The following DISC1 variants were observed in gnomAD, a reference collection of about 807,000 sequenced individuals.
DISC1 encodes disrupted in schizophrenia 1 protein.
A neutral mutation model predicts 84.5 loss-of-function variants in DISC1; 57 were observed. That is an observed-to-expected ratio of 0.67 (90% CI 0.55 to 0.84). The LOEUF is 0.84. Among genes scored for constraint, DISC1 ranks in the 40% least tolerant of loss-of-function variants. The pLI is 0.00. For synonymous variants in DISC1, 411 were observed against 415.2 expected (o/e 0.99, Z 0.12); for missense variants, 1,000 against 1,057.8 (o/e 0.95, Z 0.76).
intron 7 of DISC1, among the ~76,000 whole-genome samples, chr1:231,795,876 G>A (rs932635065): frequency 4.6e-5 from 7 of 151,920 alleles, no homozygotes; most frequent in Non-Finnish European, 8.8e-5. Context: ...GAGACAGAGC[G>A]AGACTCTATC....
intron 10 of DISC1, among the ~76,000 whole-genome samples, chr1:232,001,753 C>T (rs1666721631): frequency 6.6e-6 from 1 of 151,780 alleles, no homozygotes; most frequent in Admixed American, 6.6e-5. Flanking sequence ...GATCAAGGAC[C>T]TAATTGTAAA....
chr1:232,024,708 T>A (rs775160157), intron 11 of DISC1, among the ~76,000 whole-genome samples: 5 of 152,076 alleles, frequency 3.3e-5, no homozygotes, highest in Non-Finnish European at 5.9e-5. Flanking sequence ...TTCTTCTGCC[T>A]CAGCCTCCTG....
intron 9 of DISC1, among the ~76,000 whole-genome samples, chr1:231,887,320 C>T (rs763384627): frequency 3.3e-5 from 5 of 152,182 alleles, no homozygotes; most frequent in Admixed American, 6.5e-5. Flanking sequence ...CCCATTTTCC[C>T]GTTTATCCTA....
intron 11 of DISC1, 114 bp from the exon 12 acceptor site, chr1:232,026,321 C>G: frequency 2.9e-6 from 2 of 689,338 alleles, no homozygotes. Flanking sequence ...CAGGCCCTAG[C>G]ACAATTCTGA....
intron 3 of DISC1, 93 bp from the exon 4 acceptor site, chr1:231,749,832 AG>A (rs2074409233): frequency 3.2e-6 from 5 of 1,546,086 alleles, no homozygotes; most frequent in Admixed American, 1.7e-5. Flanking sequence ...ATTAAGGCAA[AG>A]GTTCACTACA....
intron 3 of DISC1, among the ~76,000 whole-genome samples, chr1:231,718,600 C>A (rs1482558685): frequency 6.6e-6 from 1 of 152,120 alleles, no homozygotes; most frequent in Non-Finnish European, 1.5e-5. Flanking sequence ...CCACACCTGG[C>A]AAATTTTCTA....
chr1:231,660,190 A>G (rs1393909121), intron 1 of DISC1, among the ~76,000 whole-genome samples: 1 of 147,316 alleles, frequency 6.8e-6, no homozygotes, highest in Non-Finnish European at 1.5e-5. Context: ...TAGGATAGTT[A>G]GCTCTTGTTG....
chr1:231,906,164 A>G (rs1482697655), intron 9 of DISC1, among the ~76,000 whole-genome samples: 2 of 152,036 alleles, frequency 1.3e-5, no homozygotes, highest in East Asian at 3.9e-4. Context: ...CTGGGACCAC[A>G]GACATGCGTT....
intron 9 of DISC1, among the ~76,000 whole-genome samples, chr1:231,829,582 G>T (rs900079976): frequency 6.6e-6 from 1 of 152,112 alleles, no homozygotes; most frequent in Non-Finnish European, 1.5e-5. Context: ...GAACTCCTGG[G>T]CTCAAGTGAT....
intron 10 of DISC1, among the ~76,000 whole-genome samples, chr1:231,988,130 G>A (rs929200556): frequency 2.6e-4 from 39 of 152,140 alleles, no homozygotes; most frequent in African/African-American, 9.2e-4. Context: ...AGGTTACAGC[G>A]AGCCGAGATC....
intron 9 of DISC1, chr1:231,818,742 G>T: frequency 7.2e-7 from 1 of 1,390,986 alleles, no homozygotes. Flanking sequence ...TTCTTTTTCT[G>T]TTCCCTGTCT....
intron 12 of DISC1, among the ~76,000 whole-genome samples, chr1:232,030,159 A>G (rs200497088): frequency 2.8e-4 from 43 of 152,338 alleles, no homozygotes; most frequent in Admixed American, 7.8e-4. Flanking sequence ...CTTCACGGCC[A>G]GTCAAGTCGG....
chr1:231,650,389 C>A (rs950843171), intron 1 of DISC1, among the ~76,000 whole-genome samples: 1 of 152,156 alleles, frequency 6.6e-6, no homozygotes, highest in African/African-American at 2.4e-5. Flanking sequence ...TGAATATTGG[C>A]CCCCACTCTC....
chr1:231,786,982 T>A (rs1199723810), intron 6 of DISC1, among the ~76,000 whole-genome samples: 1 of 152,088 alleles, frequency 6.6e-6, no homozygotes, highest in Non-Finnish European at 1.5e-5. Flanking sequence ...CCCTCAAGGA[T>A]AAGGAGGATC....
At chr1:231,735,903 C>T (rs901844809) in intron 3 of DISC1, among the ~76,000 whole-genome samples, 5 of 152,166 alleles carry the variant, frequency 3.3e-5, no homozygotes, top group African/African-American at 1.2e-4. Flanking sequence ...ACCTCTGCCT[C>T]CTGGGCTCAA....
chr1:231,709,322 T>G (rs2067500877), intron 3 of DISC1, among the ~76,000 whole-genome samples: 1 of 152,184 alleles, frequency 6.6e-6, no homozygotes, highest in African/African-American at 2.4e-5. Context: ...GCACCTGATG[T>G]ACTTCCCTCT....
At chr1:231,921,663 C>T (rs2090020811) in intron 9 of DISC1, among the ~76,000 whole-genome samples, 1 of 152,112 alleles carries the variant, frequency 6.6e-6, no homozygotes, top group Admixed American at 6.5e-5. Context: ...CTTTCTGCTC[C>T]TCTCCCCAGC....
At chr1:231,851,133 A>G (rs2083868398) in intron 9 of DISC1, among the ~76,000 whole-genome samples, 1 of 152,168 alleles carries the variant, frequency 6.6e-6, no homozygotes, top group African/African-American at 2.4e-5. Context: ...ATTCTCATCC[A>G]TATGTTAGTT....
intron 3 of DISC1, among the ~76,000 whole-genome samples, chr1:231,730,960 T>C (rs962552112): frequency 5.9e-5 from 9 of 152,208 alleles, no homozygotes; most frequent in Admixed American, 3.3e-4. Context: ...AGTTTCTCTT[T>C]CAGAGTTTAC....
Sources: gnomAD v4.1 joint callset for allele counts (sites outside exome capture counted in the v4.1 genomes callset) on GRCh38, gnomAD v4.1.1 for gene constraint, MANE v1.5 for transcripts, NCBI Gene and HGNC (gene_info 2026-07-23, HGNC 2026-07-21) for gene names.